The following ATP8A2 variants were observed in gnomAD, a reference collection of about 807,000 sequenced individuals.
ATP8A2 encodes the protein ATPase phospholipid transporting 8A2.
ATP8A2 carries 100 observed loss-of-function variants against 165.6 expected under a neutral mutation model. The observed-to-expected ratio is 0.60, with a 90% CI of 0.51 to 0.71. ATP8A2 has a LOEUF of 0.71. ATP8A2 is among the 30% of genes least tolerant of loss of function. The probability of loss-of-function intolerance (pLI) is 0.00; values close to 1 mark genes in which losing one functional copy is unlikely to be tolerated. For synonymous variants in ATP8A2, 543 were observed against 548.8 expected, an observed-to-expected ratio of 0.99 and a Z score of 0.15; for missense variants, 1,227 against 1,479.5, an observed-to-expected ratio of 0.83 and a Z score of 2.80.
At position 25,774,900 on chromosome 13, in the gene ATP8A2, C is replaced by T. The variant is rs893770826; in HGVS notation, c.2620C>T (p.Arg874Trp). ...GGTTCATGGAGCCTGGAGCTACAACCGGGTGACCAAGTGCATCTTGTACTG... is the reference window on the plus strand; with the variant it reads ...GGTTCATGGAGCCTGGAGCTACAACTGGGTGACCAAGTGCATCTTGTACTG... ...LLVHGAWSYN[R>W]VTKCILYCFY... The change falls in exon 27 of 37, where the codon CGG (arginine) becomes TGG (tryptophan). Residue 874 changes from arginine to tryptophan, a missense_variant. This residue lies in a region of ATP8A2 where 592 missense variants were observed against 785.6 expected (regional missense o/e 0.75). Coordinates refer to ENST00000381655, the MANE Select transcript of ATP8A2 (RefSeq NM_016529.6). 13 of 1,613,930 alleles carry T rather than the reference C, an allele frequency of 8.1e-6. No individual in the cohort carries two copies. The highest frequency in any genetic ancestry group is 1.1e-5 in the South Asian group (1 of 91,062).
At chr13:25,818,928 T>C (rs779991713) in intron 27 of ATP8A2, among the ~76,000 whole-genome samples, 6 of 152,174 alleles carry the variant, frequency 3.9e-5, no homozygotes, top group Non-Finnish European at 8.8e-5. Context: ...GAGTGCGGTG[T>C]GGTGATAAAG....
At chr13:25,968,429 T>C (rs1566312296) in intron 34 of ATP8A2, 146 bp from the exon 35 acceptor site, 2 of 675,132 alleles carry the variant, frequency 3.0e-6, no homozygotes, top group Non-Finnish European at 5.3e-6. Context: ...GGGTCATGCA[T>C]GGAGACTGTG....
intron 2 of ATP8A2, among the ~76,000 whole-genome samples, chr13:25,493,470 T>G (rs2036584743): frequency 6.6e-6 from 1 of 152,226 alleles, no homozygotes; most frequent in Non-Finnish European, 1.5e-5. Context: ...ATGCTTTTTA[T>G]TTTTGCTTCC....
At chr13:26,000,516 C>G (rs1956611573) in intron 35 of ATP8A2, among the ~76,000 whole-genome samples, 1 of 152,062 alleles carries the variant, frequency 6.6e-6, no homozygotes, top group South Asian at 2.1e-4. Flanking sequence ...GAGCATAACA[C>G]CTTCTCTAGG....
chr13:25,862,191 T>C (rs1566213236), intron 32 of ATP8A2, 110 bp from the exon 33 acceptor site: 4 of 714,186 alleles, frequency 5.6e-6, no homozygotes, highest in South Asian at 1.7e-5. Context: ...CATCAAAGTC[T>C]TTCCATAAGG....
At position 25,502,658 on chromosome 13, in the gene ATP8A2, C is replaced by T. The variant is rs558359854; in HGVS notation, c.222-27341C>T. Reference sequence around the variant, plus strand: ...ATAATATTCAGAAGAACAGTGGTAGCGGGTGGATCCTCTACCTAGAACACT... The same window carrying T: ...ATAATATTCAGAAGAACAGTGGTAGTGGGTGGATCCTCTACCTAGAACACT... On this transcript the variant is annotated intron_variant, in intron 2 of 36. Transcript: ENST00000381655. Among the ~76,000 whole-genome samples the T allele has an allele frequency of 1.4e-4, 22 of 152,282 alleles. No individual in the cohort carries two copies. The East Asian group carries it at 3.7e-3, about 25-fold the overall frequency.
intron 33 of ATP8A2, among the ~76,000 whole-genome samples, chr13:25,936,671 G>A (rs1954900071): frequency 2.6e-5 from 4 of 152,160 alleles, no homozygotes; most frequent in Admixed American, 2.6e-4. Flanking sequence ...GGAATCATCG[G>A]AAGACAGTTT....
intron 30 of ATP8A2, among the ~76,000 whole-genome samples, chr13:25,840,894 A>G (rs979300349): frequency 2.6e-5 from 4 of 152,170 alleles, no homozygotes; most frequent in African/African-American, 9.7e-5. Context: ...GGTACTTAAG[A>G]AGAGTCTGCA....
At chr13:26,012,470 T>A in intron 35 of ATP8A2, 61 bp from the exon 36 acceptor site, 1 of 1,370,774 alleles carries the variant, frequency 7.3e-7, no homozygotes, top group South Asian at 1.3e-5. Context: ...CTTCTGTCTG[T>A]CTCCTTGTGC....
intron 33 of ATP8A2, among the ~76,000 whole-genome samples, chr13:25,941,180 TC>T (rs1487186536): frequency 6.6e-6 from 1 of 151,932 alleles, no homozygotes; most frequent in Non-Finnish European, 1.5e-5. Flanking sequence ...GGGGGACACT[TC>T]CCCCTCCCAT....
In ATP8A2 at chr13:25,545,778, G is replaced by A. The variant is rs540168369; in HGVS notation, c.891+2376G>A. On this transcript the variant is annotated intron_variant, in intron 10 of 36. Transcript: ENST00000381655. ...GCCTACTGAGTAGCTGGGACTGTAG[G>A]CACACACCACCATGCCCGGCTAATT... 1.7e-3 allele frequency among the ~76,000 whole-genome samples: 261 copies of A among 152,248 alleles called. 1 individual carries two copies. The highest frequency in any genetic ancestry group is 5.2e-3 in the African/African-American group (217 of 41,532).
rs570852059 is a variant in ATP8A2 at position 25,494,387 on chromosome 13, C to T, written c.221+25266C>T. 6.3e-4 allele frequency among the ~76,000 whole-genome samples: 96 copies of T among 152,290 alleles called. 1 individual carries two copies. Among genetic ancestry groups the T allele is most frequent in the African/African-American group, 2.3e-3 (94 of 41,560 alleles). ...AGGGATCGCTTTGACCTTTCTGCCA[C>T]TGCAGAGACTCCTGCTGCCAATATT... On this transcript the variant is annotated intron_variant, in intron 2 of 36. Coordinates refer to ENST00000381655, the MANE Select transcript of ATP8A2 (RefSeq NM_016529.6).
chr13:25,845,456 T>C (rs1436189651), intron 30 of ATP8A2, among the ~76,000 whole-genome samples: 1 of 152,080 alleles, frequency 6.6e-6, no homozygotes, highest in South Asian at 2.1e-4. Context: ...CTAAAAACAT[T>C]TGTTCTTGAT....
intron 24 of ATP8A2, among the ~76,000 whole-genome samples, chr13:25,672,416 T>C (rs756254231): frequency 6.6e-6 from 1 of 152,156 alleles, no homozygotes; most frequent in Non-Finnish European, 1.5e-5. Context: ...GTGTGTGTTG[T>C]CTTGCTGGCA....
chr13:25,776,053 A>G (rs766208049), intron 27 of ATP8A2, among the ~76,000 whole-genome samples: 9 of 152,256 alleles, frequency 5.9e-5, no homozygotes, highest in Admixed American at 2.6e-4. Context: ...TCATGGCCCA[A>G]GACAACCGGG....
rs146264904 is a variant in ATP8A2, at chr13:25,682,499, G to A, written c.2212-16674G>A. 3.2e-3 allele frequency among the ~76,000 whole-genome samples: 481 copies of A among 152,262 alleles called. 1 individual carries two copies. The highest frequency in any genetic ancestry group is 4.7e-3 in the Non-Finnish European group (318 of 68,026). On this transcript the variant is annotated intron_variant, in intron 24 of 36. Transcript: ENST00000381655. Reference sequence around the variant, plus strand: ...TCATGAAGACTCTTAAAGCTCATACGAGAGTAATTTTCTCCACCTCCTTTA... The same window carrying A: ...TCATGAAGACTCTTAAAGCTCATACAAGAGTAATTTTCTCCACCTCCTTTA...
At chr13:26,005,005 G>C (rs1206601781) in intron 35 of ATP8A2, among the ~76,000 whole-genome samples, 1 of 151,896 alleles carries the variant, frequency 6.6e-6, no homozygotes, top group South Asian at 2.1e-4. Flanking sequence ...TTGTAAAATG[G>C]GTTTGGAAGT....
At chr13:25,462,767 A>G (rs2035537749) in intron 1 of ATP8A2, among the ~76,000 whole-genome samples, 1 of 151,492 alleles carries the variant, frequency 6.6e-6, no homozygotes, top group South Asian at 2.1e-4. Flanking sequence ...CCATCTAGCA[A>G]CCCACCATGA....
At chr13:25,740,308 CAAAAAA>C (rs1229327243) in intron 25 of ATP8A2, among the ~76,000 whole-genome samples, 4 of 67,488 alleles carry the variant, frequency 5.9e-5, no homozygotes, top group East Asian at 8.8e-4. Context: ...GGCTCTATCT[CAAAAAA>C]AAAAAAAAAA....
Sources: gnomAD v4.1 joint callset for allele counts (sites outside exome capture counted in the v4.1 genomes callset) on GRCh38, gnomAD v4.1.1 for gene constraint, gnomAD v4.1.1 regional missense constraint, MANE v1.5 for transcripts, NCBI Gene and HGNC (gene_info 2026-07-23, HGNC 2026-07-21) for gene names.